ANKIB1: variants seen among roughly 807,000 people sequenced by gnomAD.
ANKIB1 encodes the protein ankyrin repeat and IBR domain containing 1.
Under a neutral mutation model 122.1 loss-of-function variants are expected in ANKIB1, and 43 were observed. That is an observed-to-expected ratio of 0.35 (90% CI 0.28 to 0.45). The LOEUF is 0.45. Among genes scored for constraint, ANKIB1 ranks in the 20% least tolerant of loss-of-function variants. The pLI is 1.00. For missense variants in ANKIB1, 992 were observed against 1,329.5 expected (o/e 0.75, Z 3.95); for synonymous variants, 390 against 442.0 (o/e 0.88, Z 1.48).
intron 3 of ANKIB1, among the ~76,000 whole-genome samples, chr7:92,309,770 C>G (rs1802645726): frequency 6.6e-6 from 1 of 150,482 alleles, no homozygotes; most frequent in Admixed American, 6.6e-5. Flanking sequence ...ACTAAAAATA[C>G]AAAAATTAGC....
intron 5 of ANKIB1, among the ~76,000 whole-genome samples, chr7:92,335,450 T>C (rs1803267792): frequency 6.6e-6 from 1 of 151,986 alleles, no homozygotes; most frequent in Non-Finnish European, 1.5e-5. Context: ...TAAAGACTAG[T>C]TCCATCAGTT....
intron 5 of ANKIB1, among the ~76,000 whole-genome samples, chr7:92,341,422 C>G (rs2131973981): frequency 6.7e-6 from 1 of 149,726 alleles, no homozygotes; most frequent in South Asian, 2.1e-4. Context: ...GAATTTATAC[C>G]AAGGAAATAC....
chr7:92,391,321 C>A lies in ANKIB1; in HGVS notation c.2208C>A (p.Asp736Glu). 6.2e-7 allele frequency: 1 copy of A among 1,612,544 alleles called. No homozygotes were observed. The highest frequency in any genetic ancestry group is 8.5e-7 in the Non-Finnish European group (1 of 1,179,146). The part of the protein sequence containing the change: ...ASVARGVAPA[D>E]SPEAPRRSFA... ...TGGCTCGGGGAGTAGCTCCTGCAGA[C>A]TCACCAGAAGCTCCAAGGCGCAGGT... is the stretch of plus-strand genomic sequence containing the variant. Residue 736 changes from aspartate (D) to glutamate (E), a missense_variant, in exon 16 of 20, where the codon GAC becomes GAA. Physicochemically the swap from Asp to Glu is conservative, Grantham distance 45. Transcript: ENST00000265742.
rs1047946348 is a variant in ANKIB1 at position 92,397,720 on chromosome 7, C to A, written c.2396-3C>A. 6.2e-6 allele frequency: 10 copies of A among 1,610,144 alleles called. No homozygotes were observed. The African/African-American group carries it at 1.3e-4, about 22-fold the overall frequency. On this transcript the variant is annotated splice_region_variant and splice_polypyrimidine_tract_variant and intron_variant, in intron 18 of 19. Coordinates refer to ENST00000265742, the MANE Select transcript of ANKIB1 (RefSeq NM_019004.2). ...GTCTTTGGTACCAATTGCTTTGAAA[C>A]AGATATTCCAGAAGGCGGCAGCAGC...
At chr7:92,281,559 TAATA>T (rs991035357) in intron 1 of ANKIB1, among the ~76,000 whole-genome samples, 3 of 152,224 alleles carry the variant, frequency 2.0e-5, no homozygotes, top group Non-Finnish European at 4.4e-5. Flanking sequence ...TAGTTTAACT[TAATA>T]AATTCATTTA....
At chr7:92,323,347 C>T (rs1802953684) in intron 4 of ANKIB1, among the ~76,000 whole-genome samples, 1 of 152,030 alleles carries the variant, frequency 6.6e-6, no homozygotes. Context: ...CTCTGATTAT[C>T]GTGTAAATTG....
At chr7:92,318,313 C>T (rs1431807145) in intron 3 of ANKIB1, among the ~76,000 whole-genome samples, 1 of 152,010 alleles carries the variant, frequency 6.6e-6, no homozygotes, top group South Asian at 2.1e-4. Context: ...GTCAGGAGTT[C>T]AAGACTAGCC....
intron 1 of ANKIB1, among the ~76,000 whole-genome samples, chr7:92,247,098 G>GT (rs1217017364): frequency 6.6e-6 from 1 of 152,184 alleles, no homozygotes; most frequent in Non-Finnish European, 1.5e-5. Flanking sequence ...AACTAGAGCT[G>GT]TAATAAAGCA....
intron 15 of ANKIB1, 47 bp downstream of exon 15, chr7:92,390,163 T>TA: frequency 1.5e-6 from 2 of 1,378,430 alleles, no homozygotes; most frequent in Non-Finnish European, 9.6e-7. Context: ...TATTATGAAA[T>TA]ACAGAATTTT....
rs1562793000 is a variant in ANKIB1 at position 92,362,291 on chromosome 7, T to G, written c.1486+18T>G. On this transcript the variant is annotated intron_variant, in intron 10 of 19. Transcript: ENST00000265742. Reference sequence around the variant, plus strand: ...AGAAGAACGTAAGAGGAATTTTAGATAGCTTTGCTGCATATTTCCTGATAG... The same window carrying G: ...AGAAGAACGTAAGAGGAATTTTAGAGAGCTTTGCTGCATATTTCCTGATAG... 1.2e-5 allele frequency: 18 copies of G among 1,562,920 alleles called. No homozygotes were observed. The highest frequency in any genetic ancestry group is 1.6e-5 in the Non-Finnish European group (18 of 1,150,562).
chr7:92,329,983 C>CA (rs1803134261), intron 5 of ANKIB1, among the ~76,000 whole-genome samples: 1 of 152,210 alleles, frequency 6.6e-6, no homozygotes, highest in African/African-American at 2.4e-5. Flanking sequence ...GAAAACCCTT[C>CA]AGTGGCTTGC....
rs556096122 is a variant in ANKIB1 at position 92,387,787 on chromosome 7, T to C, written c.1753-11T>C. 1.3e-6 allele frequency: 2 copies of C among 1,597,306 alleles called. No homozygotes were observed. The highest frequency in any genetic ancestry group is 2.7e-5 in the African/African-American group (2 of 73,804). ...TTTTATAAAAGTCATTTGTGGACTT[T>C]TGTTTTCTAGGCTGAGAAAAAACAC... is the stretch of plus-strand genomic sequence containing the variant. On this transcript the variant is annotated splice_polypyrimidine_tract_variant and intron_variant, in intron 12 of 19. Coordinates refer to ENST00000265742, the MANE Select transcript of ANKIB1 (RefSeq NM_019004.2).
rs1488873523 is a variant in ANKIB1 at position 92,246,335 on chromosome 7, C to G, written c.-275C>G. 2 of 441,616 alleles carry G rather than the reference C, an allele frequency of 4.5e-6. No individual in the cohort carries two copies. The highest frequency in any genetic ancestry group is 4.9e-5 in the Admixed American group (2 of 40,996). The allele number at this position is 441,616 out of a possible 1,614,324, so 27.4% of individuals were successfully genotyped here. A position where few individuals can be genotyped will look rare whatever the true frequency, so the allele number is the denominator to read the frequency against. On this transcript the variant is annotated 5_prime_UTR_variant, in exon 1 of 20. Coordinates refer to ENST00000265742, the MANE Select transcript of ANKIB1 (RefSeq NM_019004.2). ...TTCCCGCGGGCCGCCAGTGCGCACC[C>G]TCGGCCACATCAGCCTCCGCCTGGC...
intron 2 of ANKIB1, among the ~76,000 whole-genome samples, chr7:92,298,265 A>G (rs1460415659): frequency 6.6e-6 from 1 of 152,046 alleles, no homozygotes; most frequent in Non-Finnish European, 1.5e-5. Context: ...GAACATTTTA[A>G]GTGAAATTAT....
At chr7:92,390,890 T>G (rs901923029) in intron 15 of ANKIB1, among the ~76,000 whole-genome samples, 1 of 152,212 alleles carries the variant, frequency 6.6e-6, no homozygotes, top group Non-Finnish European at 1.5e-5. Flanking sequence ...TACTCACTAC[T>G]TCTTTGTAAT....
chr7:92,388,083 C>A (rs1438655862), intron 14 of ANKIB1, 42 bp downstream of exon 14: 4 of 1,496,780 alleles, frequency 2.7e-6, no homozygotes, highest in African/African-American at 1.4e-5. Context: ...TATAAAATAT[C>A]TTTCCATGCT....
chr7:92,248,876 T>C (rs1801259194), intron 1 of ANKIB1, among the ~76,000 whole-genome samples: 1 of 145,856 alleles, frequency 6.9e-6, no homozygotes, highest in African/African-American at 2.5e-5. Flanking sequence ...TTTTTTCTTT[T>C]TTCTTTTCTT....
intron 9 of ANKIB1, among the ~76,000 whole-genome samples, chr7:92,355,456 G>A (rs1803779625): frequency 6.6e-6 from 1 of 152,240 alleles, no homozygotes; most frequent in Admixed American, 6.5e-5. Context: ...TCACCAGTGT[G>A]AATTGAAAAC....
intron 5 of ANKIB1, among the ~76,000 whole-genome samples, chr7:92,338,111 C>T (rs985806541): frequency 2.6e-5 from 4 of 152,020 alleles, no homozygotes; most frequent in African/African-American, 7.2e-5. Flanking sequence ...CTTGGCCCTA[C>T]ATAAAAAAGA....
Sources: allele counts gnomAD v4.1 joint callset (sites outside exome capture counted in the v4.1 genomes callset), GRCh38; gene constraint gnomAD v4.1.1; transcripts MANE v1.5; gene names NCBI Gene and HGNC (gene_info 2026-07-23, HGNC 2026-07-21).